The following LHCGR variants were observed in gnomAD, a reference collection of about 807,000 sequenced individuals.
LHCGR encodes lutropin-choriogonadotropic hormone receptor.
In LHCGR, 55 loss-of-function variants were observed where a neutral mutation model predicts 60.7. That is an observed-to-expected ratio of 0.91 (90% CI 0.73 to 1.13). LHCGR has a LOEUF of 1.13. LHCGR is among the 50% of genes most tolerant of loss of function. The pLI is 0.00. For synonymous variants in LHCGR, 337 were observed against 316.5 expected, an observed-to-expected ratio of 1.06 and a Z score of -0.69; for missense variants, 862 against 836.0, an observed-to-expected ratio of 1.03 and a Z score of -0.38.
intron 1 of LHCGR, among the ~76,000 whole-genome samples, chr2:48,741,263 C>A (rs1249822952): frequency 6.6e-6 from 1 of 152,212 alleles, no homozygotes; most frequent in Non-Finnish European, 1.5e-5. Context: ...TTGGAAAACA[C>A]TCTGCAGGTT....
chr2:48,708,868 G>A (rs1158274590), intron 8 of LHCGR, 80 bp downstream of exon 8: 2 of 1,056,480 alleles, frequency 1.9e-6, no homozygotes, highest in Non-Finnish European at 3.0e-6. Flanking sequence ...TATCAGCTTG[G>A]GGATGATGTG....
chr2:48,735,552 A>G (rs2103653529), intron 1 of LHCGR, among the ~76,000 whole-genome samples: 1 of 152,280 alleles, frequency 6.6e-6, no homozygotes. Flanking sequence ...CTGCCCTAGA[A>G]CAGTTCCTGG....
intron 1 of LHCGR, among the ~76,000 whole-genome samples, chr2:48,742,218 C>G (rs1429579651): frequency 6.6e-6 from 1 of 152,024 alleles, no homozygotes; most frequent in African/African-American, 2.4e-5. Flanking sequence ...TACAAAGAGA[C>G]TTAGACTCCC....
At chr2:48,690,070 A>G (rs1245030170) in intron 10 of LHCGR, among the ~76,000 whole-genome samples, 3 of 152,100 alleles carry the variant, frequency 2.0e-5, no homozygotes, top group Non-Finnish European at 4.4e-5. Flanking sequence ...CCTTTCTCCA[A>G]TTTTAGCTCT....
intron 8 of LHCGR, among the ~76,000 whole-genome samples, chr2:48,700,709 A>G (rs1243878007): frequency 6.6e-6 from 1 of 152,186 alleles, no homozygotes; most frequent in Non-Finnish European, 1.5e-5. Flanking sequence ...GGAGTCTGGT[A>G]TGCTTTGCAT....
In LHCGR at chr2:48,687,882, T is replaced by C. The variant is rs899325766; in HGVS notation, c.1915A>G (p.Ser639Gly). Reference protein sequence around the residue: ...TFQRDFFLLLSKFGCCKRRAE... With the variant: ...TFQRDFFLLLGKFGCCKRRAE... ...CGACGTTTACAGCAGCCAAATTTGC[T>C]CAGCAAAAGAAAGAAATCTCTTTGG... Residue 639 changes from serine (S) to glycine (G), a missense_variant, in exon 11 of 11, where the codon AGC becomes GGC. By Grantham distance (56) the Ser-to-Gly change is moderately conservative. Transcript: ENST00000294954. 1.9e-6 allele frequency: 3 copies of C among 1,614,042 alleles called. No individual in the cohort carries two copies. The highest frequency in any genetic ancestry group is 3.3e-5 in the Admixed American group (2 of 60,002).
chr2:48,735,420 T>G (rs1669168698), intron 1 of LHCGR, among the ~76,000 whole-genome samples: 1 of 152,230 alleles, frequency 6.6e-6, no homozygotes, highest in Non-Finnish European at 1.5e-5. Context: ...GATTTCTTAT[T>G]CTGTAGCTTG....
Position 48,709,072 on chromosome 2 carries a change from C to A in LHCGR, c.606-50G>T, listed in dbSNP as rs373702322. 4.3e-6 allele frequency: 6 copies of A among 1,406,674 alleles called. No individual in the cohort carries two copies. The African/African-American group carries it at 8.5e-5, about 20-fold the overall frequency. 87.1% of individuals were successfully genotyped at this position (1,406,674 alleles called of 1,614,324 possible). On this transcript the variant is annotated intron_variant, in intron 7 of 10. Coordinates refer to ENST00000294954, the MANE Select transcript of LHCGR (RefSeq NM_000233.4). ...GTGGAGTTTGTACCTCATGTGTAAG[C>A]ATTCGTAGCTCCATATACACATGTT... is the stretch of plus-strand genomic sequence containing the variant.
intron 1 of LHCGR, among the ~76,000 whole-genome samples, chr2:48,751,588 C>T (rs1175736421): frequency 6.6e-6 from 1 of 152,172 alleles, no homozygotes; most frequent in African/African-American, 2.4e-5. Flanking sequence ...TTTCCACTTA[C>T]ATTGTGGGCT....
chr2:48,703,827 C>A (rs1414025183), intron 8 of LHCGR, among the ~76,000 whole-genome samples: 2 of 152,200 alleles, frequency 1.3e-5, no homozygotes, highest in Non-Finnish European at 2.9e-5. Context: ...ATGATGTCAT[C>A]TGCAAACAGA....
chr2:48,708,771 C>A (rs1403967458), intron 8 of LHCGR, 177 bp downstream of exon 8: 4 of 673,974 alleles, frequency 5.9e-6, no homozygotes, highest in Non-Finnish European at 1.1e-5. Flanking sequence ...CTAAGCCTCT[C>A]GGTTTGGGGT....
intron 10 of LHCGR, among the ~76,000 whole-genome samples, chr2:48,692,895 T>C (rs923259983): frequency 3.9e-5 from 6 of 152,176 alleles, no homozygotes; most frequent in African/African-American, 1.4e-4. Flanking sequence ...CAGTTAGTTT[T>C]GGAGATGCTA....
intron 1 of LHCGR, among the ~76,000 whole-genome samples, chr2:48,737,060 G>T (rs988572688): frequency 6.6e-6 from 1 of 152,204 alleles, no homozygotes; most frequent in African/African-American, 2.4e-5. Flanking sequence ...AAGAGCCAGG[G>T]AAGAAATGCA....
At chr2:48,718,841 C>T (rs1408604473) in intron 6 of LHCGR, among the ~76,000 whole-genome samples, 5 of 152,278 alleles carry the variant, frequency 3.3e-5, no homozygotes, top group African/African-American at 1.2e-4. Context: ...ATCAGGGTCC[C>T]CCCATTTCTG....
chr2:48,754,958 CA>C (rs35104855), intron 1 of LHCGR, among the ~76,000 whole-genome samples: 27,298 of 152,016 alleles, frequency 0.18, 2,707 homozygotes, highest in East Asian at 0.34. Flanking sequence ...GACTGAAGTT[CA>C]AGCACATCTG....
chr2:48,702,575 C>T (rs1667464820), intron 8 of LHCGR, among the ~76,000 whole-genome samples: 1 of 152,160 alleles, frequency 6.6e-6, no homozygotes, highest in Non-Finnish European at 1.5e-5. Flanking sequence ...ATCCATGTCC[C>T]TGCAAAGGAC....
chr2:48,714,127 CT>C, intron 6 of LHCGR, 73 bp from the exon 7 acceptor site: 1 of 1,030,074 alleles, frequency 9.7e-7, no homozygotes, highest in Non-Finnish European at 1.5e-6. Flanking sequence ...ATTTTTCCTC[CT>C]GTAACATATA....
chr2:48,716,493 C>T (rs79484865), intron 6 of LHCGR, among the ~76,000 whole-genome samples: 46 of 152,160 alleles, frequency 3.0e-4, no homozygotes, highest in Non-Finnish European at 6.3e-4. Flanking sequence ...GATGATAAAG[C>T]AATGGAGGCA....
chr2:48,747,101 T>TC (rs397828915), intron 1 of LHCGR, among the ~76,000 whole-genome samples: 1 of 151,954 alleles, frequency 6.6e-6, no homozygotes, highest in Non-Finnish European at 1.5e-5. Flanking sequence ...CTTTTTTTTT[T>TC]CTTTTTATGA....
Sources: allele counts gnomAD v4.1 joint callset (sites outside exome capture counted in the v4.1 genomes callset), GRCh38; gene constraint gnomAD v4.1.1; transcripts MANE v1.5; gene names NCBI Gene and HGNC (gene_info 2026-07-23, HGNC 2026-07-21).